Variants in CEP128 observed in about 807,000 individuals in gnomAD.
CEP128 encodes centrosomal protein 128.
Under a neutral mutation model 156.7 loss-of-function variants are expected in CEP128, and 132 were observed. The observed-to-expected ratio is 0.84, with a 90% CI of 0.73 to 0.97. The LOEUF (loss-of-function observed/expected upper bound fraction) is 0.97, where lower values mean the gene tolerates loss of function less well. CEP128 is among the 50% of genes least tolerant of loss of function. The pLI is 0.00. For missense variants in CEP128, 1,252 were observed against 1,281.9 expected (o/e 0.98, Z 0.36); for synonymous variants, 469 against 448.9 (o/e 1.04, Z -0.57).
rs574437575 is a variant in CEP128 at position 80,911,125 on chromosome 14, T to C, written c.234+3197A>G. On this transcript the variant is annotated intron_variant, in intron 4 of 24. Coordinates refer to ENST00000555265, the MANE Select transcript of CEP128 (RefSeq NM_152446.5). ...GCATATAAAACGCAAAAGGATTGAC[T>C]ACACTCCAACCTAAATCTATGAAAG... Among the ~76,000 whole-genome samples, 53 of 152,336 alleles carry C rather than the reference T, an allele frequency of 3.5e-4. 1 individual carries two copies. In the South Asian group the frequency reaches 9.7e-3, roughly 28 times the overall value.
In CEP128 at chr14:80,683,349, C is replaced by A. The variant is rs566826023; in HGVS notation, c.2806+59726G>T. On this transcript the variant is annotated intron_variant, in intron 19 of 24. Coordinates refer to ENST00000555265, the MANE Select transcript of CEP128 (RefSeq NM_152446.5). ...ATATTAGATGAAAGAGACTTTAAAC[C>A]AACAATGTTAAAATGACAAAGAAGG... 5.3e-5 allele frequency among the ~76,000 whole-genome samples: 8 copies of A among 152,096 alleles called. No homozygotes were observed. The East Asian group carries it at 9.6e-4, about 18-fold the overall frequency.
chr14:80,930,896 G>A (rs1885421436), intron 2 of CEP128, among the ~76,000 whole-genome samples: 1 of 152,216 alleles, frequency 6.6e-6, no homozygotes, highest in Non-Finnish European at 1.5e-5. Flanking sequence ...AAGGACATTT[G>A]TCATGAACTT....
At chr14:80,757,879 C>T (rs1899747818) in intron 17 of CEP128, among the ~76,000 whole-genome samples, 2 of 152,162 alleles carry the variant, frequency 1.3e-5, no homozygotes, top group Admixed American at 1.3e-4. Flanking sequence ...TTCTTATATC[C>T]AATTTTCTCT....
At chr14:80,868,469 C>G (rs1424999083) in intron 8 of CEP128, among the ~76,000 whole-genome samples, 1 of 151,796 alleles carries the variant, frequency 6.6e-6, no homozygotes, top group Non-Finnish European at 1.5e-5. Flanking sequence ...TATGTAAATA[C>G]CATGGTAACC....
chr14:80,695,578 G>A (rs767464301), intron 19 of CEP128, among the ~76,000 whole-genome samples: 3 of 151,994 alleles, frequency 2.0e-5, no homozygotes, highest in Admixed American at 6.6e-5. Flanking sequence ...TTAGCCGGGC[G>A]TGGTGGTGCA....
At chr14:80,908,699 A>G (rs1884031018) in intron 4 of CEP128, among the ~76,000 whole-genome samples, 1 of 152,108 alleles carries the variant, frequency 6.6e-6, no homozygotes, top group African/African-American at 2.4e-5. Flanking sequence ...TGTATTCTTT[A>G]TCATGTGATA....
At chr14:80,780,822 T>C (rs1490554840) in intron 15 of CEP128, among the ~76,000 whole-genome samples, 8 of 152,222 alleles carry the variant, frequency 5.3e-5, no homozygotes, top group African/African-American at 9.6e-5. Flanking sequence ...TGGAACATTA[T>C]GCTAGACACC....
intron 19 of CEP128, among the ~76,000 whole-genome samples, chr14:80,647,341 C>A (rs1894708117): frequency 1.3e-5 from 2 of 151,550 alleles, no homozygotes; most frequent in Admixed American, 6.6e-5. Flanking sequence ...TAATCTCATT[C>A]TCTAATCCCT....
intron 8 of CEP128, among the ~76,000 whole-genome samples, chr14:80,894,885 T>A (rs1342792820): frequency 6.6e-6 from 1 of 151,900 alleles, no homozygotes; most frequent in African/African-American, 2.4e-5. Flanking sequence ...TAAGGAACTG[T>A]AAACAAATTA....
chr14:80,589,046 G>A (rs922446512), intron 19 of CEP128, among the ~76,000 whole-genome samples: 2 of 152,102 alleles, frequency 1.3e-5, no homozygotes, highest in African/African-American at 4.8e-5. Flanking sequence ...TTACCCATGT[G>A]GGTCCAATGT....
In CEP128 at chr14:80,641,563, G is replaced by T. The variant is rs74066027; in HGVS notation, c.2807-61140C>A. 7.7e-3 allele frequency among the ~76,000 whole-genome samples: 1,178 copies of T among 152,298 alleles called. 24 individuals carry two copies. Among genetic ancestry groups the T allele is most frequent in the African/African-American group, 0.027 (1,116 of 41,566 alleles). On this transcript the variant is annotated intron_variant, in intron 19 of 24. Transcript: ENST00000555265. ...GGATACAGTGCCTGGTAGAAAGTAT[G>T]CACAGAACAAATGCTTGTTGAATTA...
At chr14:80,900,641 A>G (rs1192235830) in intron 6 of CEP128, among the ~76,000 whole-genome samples, 2 of 152,200 alleles carry the variant, frequency 1.3e-5, no homozygotes, top group Non-Finnish European at 2.9e-5. Flanking sequence ...CACCAAGATA[A>G]ATAAATGGTG....
chr14:80,761,486 A>G lies in CEP128; in HGVS notation c.2504T>C (p.Ile835Thr). 6.2e-7 allele frequency: 1 copy of G among 1,612,140 alleles called. No homozygotes were observed. Among genetic ancestry groups the G allele is most frequent in the East Asian group, 2.2e-5 (1 of 44,840 alleles). The change falls in exon 17 of 25, where the codon ATT (isoleucine) becomes ACT (threonine). Residue 835 changes from isoleucine (I) to threonine (T), a missense_variant. Coordinates refer to ENST00000555265, the MANE Select transcript of CEP128 (RefSeq NM_152446.5). ...ESILGVIGKE[I>T]DAACKTFSKD... ...GGAGAATGTTTTACAAGCTGCATCA[A>G]TTTCCTTTCCTATCACACCAAGAAT...
chr14:80,530,716 T>G lies in CEP128; in HGVS notation c.2958+93A>C, dbSNP rs1300255258. ...AGTTCCCAATGTTTTTTGGTCCTTC[T>G]TCCTTTTCTATACTTTTCTTTGCAC... On this transcript the variant is annotated intron_variant, in intron 22 of 24. Coordinates refer to ENST00000555265, the MANE Select transcript of CEP128 (RefSeq NM_152446.5). 6.0e-6 allele frequency: 5 copies of G among 837,172 alleles called. No individual in the cohort carries two copies. The African/African-American group carries it at 8.7e-5, about 15-fold the overall frequency. 51.9% of individuals were successfully genotyped at this position (837,172 alleles called of 1,614,324 possible).
intron 19 of CEP128, among the ~76,000 whole-genome samples, chr14:80,708,798 T>C (rs1330858294): frequency 2.0e-5 from 3 of 152,174 alleles, no homozygotes; most frequent in Admixed American, 1.3e-4. Context: ...ATTAAACTTC[T>C]GGCCCATTTA....
At chr14:80,751,455 A>C (rs902637553) in intron 18 of CEP128, among the ~76,000 whole-genome samples, 1 of 152,174 alleles carries the variant, frequency 6.6e-6, no homozygotes, top group African/African-American at 2.4e-5. Context: ...ATATAGAAAT[A>C]ACTTTAACAA....
intron 19 of CEP128, among the ~76,000 whole-genome samples, chr14:80,680,689 G>C (rs1179338009): frequency 6.6e-6 from 1 of 152,146 alleles, no homozygotes; most frequent in East Asian, 1.9e-4. Flanking sequence ...TACTCTCCTA[G>C]ATTAGAAGTG....
intron 4 of CEP128, among the ~76,000 whole-genome samples, chr14:80,909,959 T>C (rs983649180): frequency 6.6e-6 from 1 of 152,150 alleles, no homozygotes; most frequent in African/African-American, 2.4e-5. Context: ...TGATGGATGA[T>C]GTTATTTTCC....
chr14:80,524,167 C>G (rs1000795671), intron 23 of CEP128, among the ~76,000 whole-genome samples: 14 of 152,154 alleles, frequency 9.2e-5, no homozygotes, highest in Non-Finnish European at 1.3e-4. Flanking sequence ...TTCCCCAACC[C>G]CACACCCACA....
Sources: allele counts gnomAD v4.1 joint callset (sites outside exome capture counted in the v4.1 genomes callset), GRCh38; gene constraint gnomAD v4.1.1; transcripts MANE v1.5; gene names NCBI Gene and HGNC (gene_info 2026-07-23, HGNC 2026-07-21).